MAPK10: variants seen among roughly 807,000 people sequenced by gnomAD.
The protein encoded by MAPK10 is JNK3 alpha protein kinase.
In MAPK10, 25 loss-of-function variants were observed where a neutral mutation model predicts 59.3. The ratio of observed to expected loss-of-function variants is 0.42; its 90% confidence interval spans 0.31 to 0.59. The LOEUF is 0.59. MAPK10 is among the 20% of genes least tolerant of loss of function. The probability of loss-of-function intolerance (pLI) is 0.15; values close to 1 mark genes in which losing one functional copy is unlikely to be tolerated. For missense variants in MAPK10, 351 were observed against 568.9 expected (o/e 0.62, Z 3.90); for synonymous variants, 190 against 200.5 (o/e 0.95, Z 0.44).
At chr4:86,033,725 C>T (rs757264432) in intron 11 of MAPK10, among the ~76,000 whole-genome samples, 8 of 152,144 alleles carry the variant, frequency 5.3e-5, no homozygotes, top group Non-Finnish European at 7.4e-5. Context: ...AGTATTTGTT[C>T]GACGGCCTCT....
At chr4:86,159,811 TG>T (rs1294496738) in intron 3 of MAPK10, among the ~76,000 whole-genome samples, 1 of 151,968 alleles carries the variant, frequency 6.6e-6, no homozygotes, top group African/African-American at 2.4e-5. Flanking sequence ...GTCTCAGAGG[TG>T]ATATTAGATC....
intron 4 of MAPK10, among the ~76,000 whole-genome samples, chr4:86,158,891 A>G (rs539696853): frequency 2.6e-5 from 4 of 152,088 alleles, no homozygotes; most frequent in African/African-American, 9.6e-5. Flanking sequence ...TTACAGAAAC[A>G]TTTGAAATAG....
chr4:86,461,960 T>A lies in MAPK10; in HGVS notation c.-262-107316A>T, dbSNP rs149297937. On this transcript the variant is annotated intron_variant, in intron 1 of 4. Transcript: ENST00000502302. ...CCCCAAATCAACAGGGAAATATAGC[T>A]ACATTTGAGCCTTTTCCTTTTAAAT... is the stretch of plus-strand genomic sequence containing the variant. 9.2e-3 allele frequency among the ~76,000 whole-genome samples: 1,404 copies of A among 152,310 alleles called. 6 individuals are homozygous for A. The highest frequency in any genetic ancestry group is 0.014 in the Non-Finnish European group (957 of 68,026).
At chr4:86,441,940 T>C (rs1479367277) in intron 1 of MAPK10, among the ~76,000 whole-genome samples, 1 of 152,108 alleles carries the variant, frequency 6.6e-6, no homozygotes, top group Non-Finnish European at 1.5e-5. Flanking sequence ...GGCTGGGGGG[T>C]ATCTTTTTGT....
chr4:86,477,489 A>T (rs1029875199), intron 1 of MAPK10, among the ~76,000 whole-genome samples: 2 of 152,048 alleles, frequency 1.3e-5, no homozygotes, highest in African/African-American at 4.8e-5. Context: ...CAAGTATAAG[A>T]TACCTCTACT....
intron 1 of MAPK10, among the ~76,000 whole-genome samples, chr4:86,529,328 C>T (rs1248075398): frequency 2.0e-5 from 3 of 152,154 alleles, no homozygotes; most frequent in African/African-American, 4.8e-5. Context: ...TTTCCAATCT[C>T]ATATTCTCTG....
intron 2 of MAPK10, among the ~76,000 whole-genome samples, chr4:86,329,871 A>G (rs1465447220): frequency 6.6e-6 from 1 of 152,222 alleles, no homozygotes; most frequent in Non-Finnish European, 1.5e-5. Flanking sequence ...ATTTGAAATT[A>G]TACCTAATGT....
Position 86,448,650 on chromosome 4 carries a change from C to A in MAPK10, c.-122+4380G>T, listed in dbSNP as rs115450845. ...CATTACAGCTTCTAACCCAGCACTC[C>A]CCAACATTTTTGGCACCAGGGACCG... On this transcript the variant is annotated intron_variant, in intron 1 of 13. Transcript: ENST00000361569. Among the ~76,000 whole-genome samples, 867 of 152,140 alleles carry A rather than the reference C, an allele frequency of 5.7e-3. 15 individuals are homozygous for A. The highest frequency in any genetic ancestry group is 0.02 in the African/African-American group (836 of 41,478).
At chr4:86,112,249 C>T (rs1458428439) in intron 4 of MAPK10, among the ~76,000 whole-genome samples, 3 of 150,544 alleles carry the variant, frequency 2.0e-5, no homozygotes, top group African/African-American at 7.3e-5. Flanking sequence ...TTCTTGTCTT[C>T]TGCTAGCTTT....
chr4:86,430,351 C>G (rs755281034), intron 1 of MAPK10, among the ~76,000 whole-genome samples: 1 of 152,148 alleles, frequency 6.6e-6, no homozygotes, highest in Non-Finnish European at 1.5e-5. Flanking sequence ...GTACTAAAGT[C>G]TTTGTCTACC....
At chr4:86,201,808 C>T (rs936755518) in intron 2 of MAPK10, among the ~76,000 whole-genome samples, 4 of 151,680 alleles carry the variant, frequency 2.6e-5, no homozygotes, top group Admixed American at 1.3e-4. Flanking sequence ...AGCTTTAAAT[C>T]GTCTTTTTCT....
At chr4:86,208,519 G>A (rs890806166) in intron 2 of MAPK10, among the ~76,000 whole-genome samples, 5 of 151,152 alleles carry the variant, frequency 3.3e-5, no homozygotes, top group African/African-American at 1.2e-4. Flanking sequence ...TGCAGAAAAG[G>A]CCTTTGACAA....
chr4:86,214,191 T>A (rs1395525835), intron 2 of MAPK10, among the ~76,000 whole-genome samples: 1 of 152,100 alleles, frequency 6.6e-6, no homozygotes, highest in East Asian at 1.9e-4. Context: ...CTTTCATGAT[T>A]TTAAAAAACA....
intron 1 of MAPK10, chr4:86,370,643 C>T (rs1738617783): frequency 6.6e-6 from 1 of 152,024 alleles, no homozygotes. Context: ...AATGAAGTCT[C>T]CTGTTTGAAA....
chr4:86,174,593 C>A (rs2075244300), intron 3 of MAPK10, among the ~76,000 whole-genome samples: 1 of 152,040 alleles, frequency 6.6e-6, no homozygotes, highest in South Asian at 2.1e-4. Context: ...CAAATGTATC[C>A]CAGAGCTTAA....
chr4:86,301,006 A>G (rs2095462696), intron 2 of MAPK10: 2 of 152,304 alleles, frequency 1.3e-5, no homozygotes, highest in South Asian at 4.2e-4. Context: ...CAAGTTTCAT[A>G]AAAGAGCTTA....
chr4:86,554,752 C>G (rs753005476), intron 1 of MAPK10, among the ~76,000 whole-genome samples: 67 of 152,258 alleles, frequency 4.4e-4, no homozygotes, highest in Non-Finnish European at 7.1e-4. Context: ...TGATTACACC[C>G]TCCCCTTTAT....
rs753378890 is a variant in MAPK10 at position 86,354,598 on chromosome 4, T to G, written c.-75A>C. On this transcript the variant is annotated 5_prime_UTR_variant, in exon 2 of 14. The change abolishes an upstream ATG in the 5' untranslated region. Transcript: ENST00000641462. ...CAACAGTTTCTTGCATAAGTTGCCA[T>G]AGTGAAGATCTGAGATGGGCCTGCT... The G allele has an allele frequency of 4.1e-6, 5 of 1,231,432 alleles. No individual in the cohort carries two copies. Among genetic ancestry groups the G allele is most frequent in the Non-Finnish European group, 5.1e-6 (5 of 987,396 alleles). 76.3% of individuals were successfully genotyped at this position (1,231,432 alleles called of 1,614,324 possible).
upstream of MAPK10, among the ~76,000 whole-genome samples, chr4:86,455,245 C>G (rs760417892): frequency 6.6e-5 from 10 of 152,044 alleles, no homozygotes; most frequent in Non-Finnish European, 1.2e-4. Flanking sequence ...ACAAGGTATA[C>G]AGGCAACAAA....
Sources: gnomAD v4.1 joint callset for allele counts (sites outside exome capture counted in the v4.1 genomes callset) on GRCh38, gnomAD v4.1.1 for gene constraint, MANE v1.5 for transcripts, NCBI Gene and HGNC (gene_info 2026-07-23, HGNC 2026-07-21) for gene names.